ARHGAP25: variants seen among roughly 807,000 people sequenced by gnomAD.
ARHGAP25 encodes the protein Rho GTPase activating protein 25.
In ARHGAP25, 34 loss-of-function variants were observed where a neutral mutation model predicts 71.0. The observed-to-expected ratio is 0.48, with a 90% CI of 0.36 to 0.64. The LOEUF is 0.64. ARHGAP25 is among the 30% of genes least tolerant of loss of function. ARHGAP25 has a pLI of 0.00. For missense variants in ARHGAP25, 706 were observed against 805.1 expected (o/e 0.88, Z 1.49); for synonymous variants, 282 against 296.5 (o/e 0.95, Z 0.50).
intron 1 of ARHGAP25, among the ~76,000 whole-genome samples, chr2:68,765,787 T>C (rs1677087315): frequency 6.6e-6 from 1 of 152,244 alleles, no homozygotes; most frequent in South Asian, 2.1e-4. Context: ...ATATTATGAC[T>C]CGTTTCCTGG....
chr2:68,776,030 T>A (rs1167241621), intron 2 of ARHGAP25, among the ~76,000 whole-genome samples: 1 of 152,178 alleles, frequency 6.6e-6, no homozygotes, highest in African/African-American at 2.4e-5. Flanking sequence ...AATGACCTCA[T>A]GAAGAGGGTG....
chr2:68,808,620 T>G (rs1225090876), intron 5 of ARHGAP25, among the ~76,000 whole-genome samples: 5 of 152,198 alleles, frequency 3.3e-5, no homozygotes, highest in Admixed American at 3.3e-4. Flanking sequence ...AGCCCGTTAT[T>G]GGCATCAAAC....
intron 2 of ARHGAP25, among the ~76,000 whole-genome samples, chr2:68,724,264 ACTGG>A: frequency 6.6e-6 from 1 of 152,116 alleles, no homozygotes; most frequent in East Asian, 1.9e-4. Context: ...TTCACACTGG[ACTGG>A]CCCTGAACTC....
intron 1 of ARHGAP25, among the ~76,000 whole-genome samples, chr2:68,761,459 G>T (rs558718001): frequency 5.9e-5 from 9 of 151,820 alleles, no homozygotes; most frequent in Admixed American, 2.0e-4. Flanking sequence ...AACAGAATAG[G>T]GGAAAATATT....
upstream of ARHGAP25, among the ~76,000 whole-genome samples, chr2:68,731,378 A>C (rs75292645): frequency 0.038 from 5,788 of 152,018 alleles, 135 homozygotes; most frequent in Middle Eastern, 0.099. Context: ...TGTCACTCAC[A>C]TGACTCCTGT....
At position 68,751,027 on chromosome 2, in the gene ARHGAP25, C is replaced by T. The variant is rs80118612; in HGVS notation, c.61+15767C>T. Among the ~76,000 whole-genome samples the T allele has an allele frequency of 5.4e-3, 824 of 152,300 alleles. 7 individuals carry two copies. The highest frequency in any genetic ancestry group is 0.019 in the African/African-American group (785 of 41,546). ...ACATTTATTTCACCCGCTTTAAGCA[C>T]GAATTACCTGTGGAGTATCCTAGAA... On this transcript the variant is annotated intron_variant, in intron 1 of 10. Coordinates refer to ENST00000409202, the MANE Select transcript of ARHGAP25 (RefSeq NM_001007231.3).
chr2:68,824,666 T>C (rs553418881), intron 10 of ARHGAP25, among the ~76,000 whole-genome samples: 10 of 151,884 alleles, frequency 6.6e-5, no homozygotes, highest in South Asian at 2.1e-4. Flanking sequence ...GGTGTGAACC[T>C]GGGAGGCGGA....
At chr2:68,762,428 C>T (rs922530631) in intron 1 of ARHGAP25, among the ~76,000 whole-genome samples, 1 of 152,084 alleles carries the variant, frequency 6.6e-6, no homozygotes, top group Non-Finnish European at 1.5e-5. Context: ...AAATAAATCA[C>T]GCAAGTTATA....
chr2:68,795,814 T>A (rs574972916), intron 4 of ARHGAP25, among the ~76,000 whole-genome samples: 3 of 152,320 alleles, frequency 2.0e-5, no homozygotes, highest in South Asian at 2.1e-4. Flanking sequence ...ACTTTTAAAT[T>A]TATTTTCTGT....
intron 4 of ARHGAP25, among the ~76,000 whole-genome samples, chr2:68,798,544 C>G (rs11126197): frequency 0.34 from 51,326 of 150,460 alleles, 9,220 homozygotes; most frequent in Admixed American, 0.39. Context: ...AGTCTTTTCT[C>G]TCAAAGAGCT....
rs190677600 is a variant in ARHGAP25 at position 68,765,713 on chromosome 2, T to C, written c.62-9508T>C. 9.1e-4 allele frequency among the ~76,000 whole-genome samples: 139 copies of C among 152,358 alleles called. 1 individual carries two copies. Among genetic ancestry groups the C allele is most frequent in the Admixed American group, 3.4e-3 (52 of 15,310 alleles). On this transcript the variant is annotated intron_variant, in intron 1 of 10. Transcript: ENST00000409202. ...ATTCATTGGTATCATCTATCCTTTA[T>C]CCATGATCAAATTGTCTCAGTTTTT...
chr2:68,769,828 G>C (rs1176096326), intron 1 of ARHGAP25, among the ~76,000 whole-genome samples: 1 of 152,162 alleles, frequency 6.6e-6, no homozygotes, highest in Non-Finnish European at 1.5e-5. Context: ...TTCCAGCAGA[G>C]AGAATAGCAT....
chr2:68,758,114 A>G (rs1486845572), intron 1 of ARHGAP25, among the ~76,000 whole-genome samples: 1 of 152,064 alleles, frequency 6.6e-6, no homozygotes, highest in African/African-American at 2.4e-5. Flanking sequence ...ATATAGACGT[A>G]CACAAACACG....
At chr2:68,815,443 C>CTTTTTTTTTTTTTTTTTTTTTTTTTT (rs796100406) in intron 6 of ARHGAP25, among the ~76,000 whole-genome samples, 1 of 62,332 alleles carries the variant, frequency 1.6e-5, no homozygotes, top group Non-Finnish European at 2.9e-5. Flanking sequence ...TGTGTACTCT[C>CTTTTTTTTTTTTTTTTTTTTTTTTTT]TTTTTTTTTT....
At chr2:68,805,584 A>G (rs1220257472) in intron 4 of ARHGAP25, among the ~76,000 whole-genome samples, 1 of 152,044 alleles carries the variant, frequency 6.6e-6, no homozygotes. Flanking sequence ...CTCAAGCAGA[A>G]TGATGCTTTA....
rs182213385 is a variant in ARHGAP25, at chr2:68,788,645, G to A, written c.466+689G>A. On this transcript the variant is annotated intron_variant, in intron 4 of 10. Transcript: ENST00000409202. The stretch of plus-strand genomic sequence containing the variant: ...AAAACTATCTGAAATTAACAAACAC[G>A]TGAATCTAGTAAGTTTCCCTGCCTT... Among the ~76,000 whole-genome samples the A allele has an allele frequency of 3.6e-3, 541 of 152,244 alleles. 2 individuals are homozygous for A. Among genetic ancestry groups the A allele is most frequent in the Non-Finnish European group, 5.3e-3 (363 of 68,012 alleles).
chr2:68,753,208 G>A (rs1558615022), intron 1 of ARHGAP25, among the ~76,000 whole-genome samples: 2 of 152,174 alleles, frequency 1.3e-5, no homozygotes. Flanking sequence ...CTGAGACAAT[G>A]GGAAAATAAA....
chr2:68,826,318 T>C lies in ARHGAP25; in HGVS notation c.*124T>C, dbSNP rs1291180280. On this transcript the variant is annotated 3_prime_UTR_variant, in exon 11 of 11. Transcript: ENST00000409202. ...AGGGAAAGGACATTTGAGGGAAACA[T>C]CAAATTTCCCCATAAATAAATGAAT... The C allele has an allele frequency of 3.3e-6, 3 of 914,334 alleles. No individual in the cohort carries two copies. Among genetic ancestry groups the C allele is most frequent in the Non-Finnish European group, 3.5e-6 (2 of 569,332 alleles). The allele number at this position is 914,334 out of a possible 1,614,324, so 56.6% of individuals were successfully genotyped here.
chr2:68,807,460 G>T lies in ARHGAP25; in HGVS notation c.654G>T (p.Gly218=). ...VKQLRDAFDA[G]ERPSFDRDTD... Reference sequence around the variant, plus strand: ...AGCTGAGAGACGCTTTTGATGCTGGGGAGCGGCCCTCCTTTGACAGGTACA... The same window carrying T: ...AGCTGAGAGACGCTTTTGATGCTGGTGAGCGGCCCTCCTTTGACAGGTACA... Residue 218 remains glycine (G), a synonymous_variant, in exon 5 of 11, where the codon GGG becomes GGT. Transcript: ENST00000409202. 1 of 1,614,156 alleles carries T rather than the reference G, an allele frequency of 6.2e-7. No homozygotes were observed.
Sources: allele counts gnomAD v4.1 joint callset (sites outside exome capture counted in the v4.1 genomes callset), GRCh38; gene constraint gnomAD v4.1.1; transcripts MANE v1.5; gene names NCBI Gene and HGNC (gene_info 2026-07-23, HGNC 2026-07-21).